RESF1: variants seen among roughly 807,000 people sequenced by gnomAD.
RESF1 encodes retroelement silencing factor 1.
Under a neutral mutation model 134.7 loss-of-function variants are expected in RESF1, and 65 were observed. The observed-to-expected ratio is 0.48, with a 90% CI of 0.40 to 0.59. The LOEUF (loss-of-function observed/expected upper bound fraction) is 0.59, where lower values mean the gene tolerates loss of function less well. RESF1 is among the 20% of genes least tolerant of loss of function. The pLI is 0.00. For missense variants in RESF1, 2,274 were observed against 2,002.7 expected (o/e 1.14, Z -2.59); for synonymous variants, 762 against 702.2 (o/e 1.09, Z -1.35).
rs777605809 is a variant in RESF1, at chr12:31,984,582, T to G, written c.3627T>G (p.Pro1209=). ...AGAAACAAAAAGAGCAGTGTTCTCC[T>G]TTGGATACCAACAGTTGTAAACAAG... The part of the protein sequence containing the change: ...EEEKQKEQCS[P]LDTNSCKQGE... Residue 1209 remains proline, a synonymous_variant, in exon 4 of 6, where the codon CCT becomes CCG. Coordinates refer to ENST00000312561, the MANE Select transcript of RESF1 (RefSeq NM_018169.4). 1 of 1,583,988 alleles carries G rather than the reference T, an allele frequency of 6.3e-7. No homozygotes were observed. Among genetic ancestry groups the G allele is most frequent in the South Asian group, 1.2e-5 (1 of 85,924 alleles).
At position 31,985,064 on chromosome 12, in the gene RESF1, G is replaced by C. The variant is rs774508515; in HGVS notation, c.4109G>C (p.Ser1370Thr). 19 of 1,574,782 alleles carry C rather than the reference G, an allele frequency of 1.2e-5. No individual in the cohort carries two copies. In the Admixed American group the frequency reaches 3.9e-4, roughly 33 times the overall value. The change falls in exon 4 of 6, where the codon AGC (serine) becomes ACC (threonine). Residue 1370 changes from serine (S) to threonine (T), a missense_variant. Transcript: ENST00000312561. The stretch of plus-strand genomic sequence containing the variant: ...ATAAAATTGAAACTCAAATCAGTTA[G>C]CTTCAAACAAAAACGAAAGTTAGAC... The part of the protein sequence containing the change: ...EKIKLKLKSV[S>T]FKQKRKLDQG...
At chr12:31,978,884 A>G (rs1167179293) in intron 3 of RESF1, among the ~76,000 whole-genome samples, 1 of 150,730 alleles carries the variant, frequency 6.6e-6, no homozygotes, top group Non-Finnish European at 1.5e-5. Flanking sequence ...TGATTTTGTC[A>G]GAAATTCTTA....
rs1448986281 is a variant in RESF1 at position 31,982,746 on chromosome 12, A to C, written c.1791A>C (p.Thr597=). The C allele has an allele frequency of 6.2e-7, 1 of 1,613,848 alleles. No individual in the cohort carries two copies. Among genetic ancestry groups the C allele is most frequent in the African/African-American group, 1.3e-5 (1 of 74,932 alleles). ...LLSQARKTQK[T]VLKDANQTIQ... ...CACAGGCACGTAAGACTCAGAAGAC[A>C]GTATTAAAAGATGCTAATCAAACTA... The change falls in exon 4 of 6, where the codon ACA becomes ACC. Residue 597 remains threonine, a synonymous_variant. Coordinates refer to ENST00000312561, the MANE Select transcript of RESF1 (RefSeq NM_018169.4).
chr12:31,987,413 A>T, intron 5 of RESF1, 91 bp downstream of exon 5: 2 of 706,418 alleles, frequency 2.8e-6, no homozygotes, highest in East Asian at 3.0e-5. Flanking sequence ...GTAAAGTATG[A>T]TTTTATCCAT....
At chr12:31,960,080 T>C (rs981401847) in intron 1 of RESF1, among the ~76,000 whole-genome samples, 1 of 152,108 alleles carries the variant, frequency 6.6e-6, no homozygotes. Flanking sequence ...CGCGAACGCT[T>C]CTGCGCCGGC....
rs1237251212 is a variant in RESF1 at position 31,984,442 on chromosome 12, C to G, written c.3487C>G (p.Leu1163Val). The G allele has an allele frequency of 1.2e-6, 2 of 1,614,168 alleles. No homozygotes were observed. The highest frequency in any genetic ancestry group is 8.5e-7 in the Non-Finnish European group (1 of 1,180,014). The change falls in exon 4 of 6, where the codon CTG (leucine) becomes GTG (valine). Residue 1163 changes from leucine (L) to valine (V), a missense_variant. Physicochemically the swap from Leu to Val is conservative, Grantham distance 32. Transcript: ENST00000312561. ...TGGACAAAGTCGTGATTCTGTGATA[C>G]TGGACTCTGAGAAAGATGATATCCA... ...AAGQSRDSVILDSEKDDIHCC... is the reference protein window; with the variant it reads ...AAGQSRDSVIVDSEKDDIHCC...
chr12:31,962,220 TAAAAAA>T (rs33954876), intron 2 of RESF1, among the ~76,000 whole-genome samples: 3,468 of 132,664 alleles, frequency 0.026, 142 homozygotes, highest in African/African-American at 0.089. Context: ...TCTGTCTTTT[TAAAAAA>T]AAAAAAAAAA....
chr12:31,980,696 A>G (rs928568219), intron 3 of RESF1, among the ~76,000 whole-genome samples, 182 bp from the exon 4 acceptor site: 9 of 152,216 alleles, frequency 5.9e-5, no homozygotes, highest in South Asian at 2.1e-4. Flanking sequence ...TAAACACGTT[A>G]GAAATTTCAT....
rs1249355630 is a variant in RESF1 at position 31,992,623 on chromosome 12, TGATAAA to T, written c.*92_*97del. On this transcript the variant is annotated 3_prime_UTR_variant, in exon 6 of 6. Coordinates refer to ENST00000312561, the MANE Select transcript of RESF1 (RefSeq NM_018169.4). ...TCGCTGAAACTAATGAGAAATGCCATGATAAAGATTTCTCAGAGTTTGGTTCCCACT... is the reference window on the plus strand; with the variant it reads ...TCGCTGAAACTAATGAGAAATGCCATGATTTCTCAGAGTTTGGTTCCCACT... The T allele has an allele frequency of 7.9e-7, 1 of 1,273,368 alleles. No homozygotes were observed. The highest frequency in any genetic ancestry group is 1.5e-5 in the African/African-American group (1 of 66,594). 78.9% of individuals were successfully genotyped at this position (1,273,368 alleles called of 1,614,324 possible).
intron 4 of RESF1, 70 bp downstream of exon 4, chr12:31,986,027 CCT>C: frequency 2.0e-6 from 2 of 1,006,478 alleles, no homozygotes; most frequent in Non-Finnish European, 2.6e-6. Context: ...TGGGCTAGCA[CCT>C]CTCATGCTGT....
At position 31,984,449 on chromosome 12, in the gene RESF1, CTG is replaced by C; in HGVS notation, c.3495_3496del (p.Lys1167ArgfsTer2). ...AGTCGTGATTCTGTGATACTGGACT[CTG>C]AGAAAGATGATATCCACTGCTGTGC... On this transcript the variant is annotated frameshift_variant, in exon 4 of 6. Transcript: ENST00000312561. LOFTEE classifies it high-confidence loss of function. 1 of 1,614,140 alleles carries C rather than the reference CTG, an allele frequency of 6.2e-7. No homozygotes were observed. Among genetic ancestry groups the C allele is most frequent in the Non-Finnish European group, 8.5e-7 (1 of 1,179,998 alleles).
chr12:31,967,249 G>A (rs1939417485), intron 2 of RESF1, among the ~76,000 whole-genome samples: 1 of 152,172 alleles, frequency 6.6e-6, no homozygotes, highest in South Asian at 2.1e-4. Context: ...GCTGACTGCA[G>A]TTACAGAAGC....
rs867529129 is a variant in RESF1, at chr12:31,985,804, CAT to C, written c.4851_4852del (p.His1617GlnfsTer9). ...TAAAGATAAGAGACAGGAAAATAAA[CAT>C]AAGACCTTTTTACCGGTGAAAGGTA... ...LHKDKRQENKHKTFLPVKGNT... is the reference protein window; with the variant it reads ...LHKDKRQENKXKTFLPVKGNT... On this transcript the variant is annotated frameshift_variant, in exon 4 of 6. Coordinates refer to ENST00000312561, the MANE Select transcript of RESF1 (RefSeq NM_018169.4). LOFTEE classifies it high-confidence loss of function. The C allele has an allele frequency of 6.4e-7, 1 of 1,566,808 alleles. No individual in the cohort carries two copies. Among genetic ancestry groups the C allele is most frequent in the Non-Finnish European group, 8.6e-7 (1 of 1,164,854 alleles).
Position 31,981,869 on chromosome 12 carries a change from T to C in RESF1, c.914T>C (p.Val305Ala), listed in dbSNP as rs186773396. 161 of 1,614,116 alleles carry C rather than the reference T, an allele frequency of 1.0e-4. 1 individual carries two copies. The East Asian group carries it at 3.3e-3, about 33-fold the overall frequency. ...ATTACTAAACACTTGTCTATGGAAG[T>C]TCCTCAGAGTCGAGAAATGCTGTCA... ...QHITKHLSME[V>A]PQSREMLSSE... The change falls in exon 4 of 6, where the codon GTT becomes GCT. Residue 305 changes from valine (V) to alanine (A), a missense_variant. Transcript: ENST00000312561.
At chr12:31,967,029 C>CTG (rs1294052338) in intron 2 of RESF1, among the ~76,000 whole-genome samples, 1 of 152,162 alleles carries the variant, frequency 6.6e-6, no homozygotes, top group African/African-American at 2.4e-5. Context: ...AAAAGCAGCC[C>CTG]TGTGAGAAAC....
At chr12:31,979,861 C>CT (rs200667862) in intron 3 of RESF1, among the ~76,000 whole-genome samples, 55 of 151,270 alleles carry the variant, frequency 3.6e-4, no homozygotes, top group Non-Finnish European at 5.5e-4. Context: ...CCAGCCAAGA[C>CT]TTTTTATAGA....
Position 31,985,273 on chromosome 12 carries a change from T to C in RESF1, c.4318T>C (p.Phe1440Leu), listed in dbSNP as rs772880287. ...SVDTKASSSK[F>L]SRILTPKEYL... is the part of the protein sequence containing the mutation. ...AGACACGAAAGCGAGTTCATCTAAA[T>C]TTAGTAGAATTCTAACTCCTAAGGA... is the stretch of plus-strand genomic sequence containing the variant. Residue 1440 changes from phenylalanine (F) to leucine (L), a missense_variant, in exon 4 of 6, where the codon TTT becomes CTT. Coordinates refer to ENST00000312561, the MANE Select transcript of RESF1 (RefSeq NM_018169.4). The C allele has an allele frequency of 1.9e-6, 3 of 1,612,088 alleles. No individual in the cohort carries two copies. The Admixed American group carries it at 5.0e-5, about 27-fold the overall frequency.
At chr12:31,979,929 T>A (rs1221623168) in intron 3 of RESF1, among the ~76,000 whole-genome samples, 2 of 151,296 alleles carry the variant, frequency 1.3e-5, no homozygotes, top group Non-Finnish European at 2.9e-5. Flanking sequence ...AACTAAAAGT[T>A]CCAACCGTCT....
Position 31,982,547 on chromosome 12 carries a change from C to T in RESF1, c.1592C>T (p.Ala531Val). The change falls in exon 4 of 6, where the codon GCT becomes GTT. Residue 531 changes from alanine to valine, a missense_variant. Coordinates refer to ENST00000312561, the MANE Select transcript of RESF1 (RefSeq NM_018169.4). Reference protein sequence around the residue: ...DVKVLTSKTSAVEMTQAVLNT... With the variant: ...DVKVLTSKTSVVEMTQAVLNT... ...AAAGTTCTCACTTCAAAGACATCAGCTGTTGAGATGACCCAGGCAGTATTG... is the reference window on the plus strand; with the variant it reads ...AAAGTTCTCACTTCAAAGACATCAGTTGTTGAGATGACCCAGGCAGTATTG... The T allele has an allele frequency of 6.2e-7, 1 of 1,613,806 alleles. No homozygotes were observed. The highest frequency in any genetic ancestry group is 1.1e-5 in the South Asian group (1 of 91,080).
Sources: gnomAD v4.1 joint callset for allele counts (sites outside exome capture counted in the v4.1 genomes callset) on GRCh38, gnomAD v4.1.1 for gene constraint, MANE v1.5 for transcripts, NCBI Gene and HGNC (gene_info 2026-07-23, HGNC 2026-07-21) for gene names.